ZWILCH: variants seen among roughly 807,000 people sequenced by gnomAD.
ZWILCH encodes the protein zwilch kinetochore protein, also known as protein zwilch homolog.
In ZWILCH, 74 loss-of-function variants were observed where a neutral mutation model predicts 79.9. The observed-to-expected ratio is 0.93, with a 90% CI of 0.77 to 1.12. The LOEUF (loss-of-function observed/expected upper bound fraction) is 1.12. Ranked by LOEUF, ZWILCH falls within the 50% of genes most tolerant of loss-of-function variation. The probability of loss-of-function intolerance (pLI) is 0.00; values close to 1 mark genes in which losing one functional copy is unlikely to be tolerated. For missense variants in ZWILCH, 694 were observed against 687.5 expected (o/e 1.01, Z -0.11); for synonymous variants, 241 against 228.2 (o/e 1.06, Z -0.51).
chr15:66,535,159 G>A (rs1336847505), intron 14 of ZWILCH, among the ~76,000 whole-genome samples: 2 of 152,060 alleles, frequency 1.3e-5, no homozygotes, highest in Non-Finnish European at 2.9e-5. Context: ...TGTCGCACTG[G>A]AAGCTCTCCA....
Position 66,541,714 on chromosome 15 carries a change from G to T in ZWILCH, c.1687+1504G>T, listed in dbSNP as rs556652738. Among the ~76,000 whole-genome samples the T allele has an allele frequency of 2.0e-5, 3 of 152,238 alleles. No homozygotes were observed. In the East Asian group the frequency reaches 5.8e-4, roughly 29 times the overall value. On this transcript the variant is annotated intron_variant, in intron 17 of 18. Transcript: ENST00000307897. The stretch of plus-strand genomic sequence containing the variant: ...TATCTTCATGCACGTGGGTTGTACG[G>T]TGCTGTTGTCTCTTATTCATATGGG...
chr15:66,539,536 G>A (rs1464476801), intron 16 of ZWILCH, among the ~76,000 whole-genome samples: 3 of 151,928 alleles, frequency 2.0e-5, no homozygotes, highest in Non-Finnish European at 1.5e-5. Flanking sequence ...CTGGACTGTG[G>A]TAAAATCCTT....
intron 4 of ZWILCH, among the ~76,000 whole-genome samples, chr15:66,518,447 A>AT: frequency 6.6e-6 from 1 of 152,058 alleles, no homozygotes; most frequent in East Asian, 1.9e-4. Flanking sequence ...CACCAGGCTA[A>AT]TTTTTTGTAT....
At chr15:66,528,395 G>A (rs1248554031) in intron 10 of ZWILCH, among the ~76,000 whole-genome samples, 1 of 152,176 alleles carries the variant, frequency 6.6e-6, no homozygotes, top group Admixed American at 6.6e-5. Flanking sequence ...TAGCCACTGT[G>A]CTTGGTCAGA....
chr15:66,528,308 T>G (rs186904216), intron 10 of ZWILCH, among the ~76,000 whole-genome samples: 174 of 152,280 alleles, frequency 1.1e-3, no homozygotes, highest in African/African-American at 3.8e-3. Context: ...CTCACTATAT[T>G]GCCTAGGCTG....
chr15:66,509,865 ATATATCTC>A (rs1893985888), intron 2 of ZWILCH, among the ~76,000 whole-genome samples: 3 of 77,762 alleles, frequency 3.9e-5, no homozygotes, highest in Non-Finnish European at 9.0e-5. Context: ...ATATATATAT[ATATATCTC>A]TTAAAAATCA....
chr15:66,512,036 A>G (rs1303874356), intron 2 of ZWILCH, among the ~76,000 whole-genome samples: 1 of 152,194 alleles, frequency 6.6e-6, no homozygotes, highest in Non-Finnish European at 1.5e-5. Context: ...AAATAATTCA[A>G]AAGTGTTCAT....
In ZWILCH at chr15:66,536,070, G is replaced by GTT; in HGVS notation, c.1478+2_1478+3insTT. Reference sequence around the variant, plus strand: ...ATGAACTCCTCTTTTCTTTAACACAGTAAGTACATCTGTATTCTTCACTTA... The same window carrying GTT: ...ATGAACTCCTCTTTTCTTTAACACAGTTTAAGTACATCTGTATTCTTCACTTA... On this transcript the variant is annotated splice_donor_variant, in intron 15 of 18. Coordinates refer to ENST00000307897, the MANE Select transcript of ZWILCH (RefSeq NM_017975.5). LOFTEE classifies it high-confidence loss of function. 6.2e-7 allele frequency: 1 copy of GTT among 1,602,028 alleles called. No homozygotes were observed. The highest frequency in any genetic ancestry group is 8.5e-7 in the Non-Finnish European group (1 of 1,174,796).
rs1379722762 is a variant in ZWILCH at position 66,527,211 on chromosome 15, T to A, written c.820-79T>A. On this transcript the variant is annotated intron_variant, in intron 8 of 18. Coordinates refer to ENST00000307897, the MANE Select transcript of ZWILCH (RefSeq NM_017975.5). ...ACTCAAGAAATGTTACTGCAATTAA[T>A]ATTATTATTACATACATCCTTATTG... is the stretch of plus-strand genomic sequence containing the variant. 3 of 989,850 alleles carry A rather than the reference T, an allele frequency of 3.0e-6. No homozygotes were observed. The East Asian group carries it at 7.4e-5, about 24-fold the overall frequency. 61.3% of individuals were successfully genotyped at this position (989,850 alleles called of 1,614,324 possible). A position where few individuals can be genotyped will look rare whatever the true frequency, so the allele number is the denominator to read the frequency against.
intron 8 of ZWILCH, among the ~76,000 whole-genome samples, chr15:66,526,743 TGAGCCACGGCGCCCGGC>T (rs1894688700): frequency 6.6e-6 from 1 of 152,286 alleles, no homozygotes; most frequent in South Asian, 2.1e-4. Flanking sequence ...ATTACAGGTG[TGAGCCACGGCGCCCGGC>T]ACTTGACTGC....
chr15:66,544,724 T>TGTG lies in ZWILCH; in HGVS notation c.1688-1867_1688-1866insGTG, dbSNP rs1555426548. On this transcript the variant is annotated intron_variant, in intron 17 of 18. Coordinates refer to ENST00000307897, the MANE Select transcript of ZWILCH (RefSeq NM_017975.5). ...TGTTTTTTTGTTGTTTTTTTGGTTTTTGTGTGTGTGTGTGTGTGTGTGTGT... is the reference window on the plus strand; with the variant it reads ...TGTTTTTTTGTTGTTTTTTTGGTTTTGTGTGTGTGTGTGTGTGTGTGTGTGTGT... Among the ~76,000 whole-genome samples the TGTG allele has an allele frequency of 2.2e-3, 282 of 128,540 alleles. 5 individuals are homozygous for TGTG. The highest frequency in any genetic ancestry group is 0.014 in the East Asian group (55 of 4,062). The allele number at this position is 128,540 out of a possible 152,430, so 84.3% of individuals were successfully genotyped here. A position where few individuals can be genotyped will look rare whatever the true frequency, so the allele number is the denominator to read the frequency against.
At chr15:66,524,983 C>T (rs1894622444) in intron 8 of ZWILCH, among the ~76,000 whole-genome samples, 1 of 152,170 alleles carries the variant, frequency 6.6e-6, no homozygotes, top group Non-Finnish European at 1.5e-5. Context: ...CATCTTTAAG[C>T]TGATAGCACT....
chr15:66,526,848 A>G (rs1894691699), intron 8 of ZWILCH, among the ~76,000 whole-genome samples: 2 of 152,092 alleles, frequency 1.3e-5, no homozygotes, highest in Admixed American at 1.3e-4. Context: ...TCCACTTTTT[A>G]CATTTATTCA....
rs768496640 is a variant in ZWILCH, at chr15:66,528,893, G to A, written c.1011G>A (p.Lys337=). Residue 337 remains lysine, a synonymous_variant, in exon 11 of 19, where the codon AAG becomes AAA. Transcript: ENST00000307897. ...HDTAAVDRSV[K]RLFKVRSDLD... ...CTGCTGCAGTCGATCGTTCCGTCAA[G>A]CGTCTTTTCAAAGTTCGGAGTGATC... 2 of 1,614,126 alleles carry A rather than the reference G, an allele frequency of 1.2e-6. No homozygotes were observed. Among genetic ancestry groups the A allele is most frequent in the South Asian group, 1.1e-5 (1 of 91,084 alleles).
At chr15:66,521,895 G>T (rs1894507438) in intron 7 of ZWILCH, among the ~76,000 whole-genome samples, 1 of 152,114 alleles carries the variant, frequency 6.6e-6, no homozygotes. Context: ...CTAGGAATCT[G>T]TCTTAAGAAA....
In ZWILCH at chr15:66,549,841, G is replaced by A. The variant is rs1257292849; in HGVS notation, c.*1517G>A. The A allele has an allele frequency of 1.4e-5, 6 of 423,766 alleles. No homozygotes were observed. Among genetic ancestry groups the A allele is most frequent in the Non-Finnish European group, 1.7e-5 (4 of 236,124 alleles). 26.3% of individuals were successfully genotyped at this position (423,766 alleles called of 1,614,324 possible). On this transcript the variant is annotated 3_prime_UTR_variant, in exon 19 of 19. Transcript: ENST00000307897. ...CTTGAATGGATAAAATGGATAAAAT[G>A]TTTATCTTTCATGGTAGATTAAATG...
At chr15:66,543,360 G>A (rs1052225848) in intron 17 of ZWILCH, among the ~76,000 whole-genome samples, 1 of 152,178 alleles carries the variant, frequency 6.6e-6, no homozygotes, top group Non-Finnish European at 1.5e-5. Flanking sequence ...GACCTAGAAG[G>A]ATACAATCCA....
chr15:66,538,538 A>T (rs1895087885), intron 16 of ZWILCH, among the ~76,000 whole-genome samples: 1 of 151,940 alleles, frequency 6.6e-6, no homozygotes, highest in South Asian at 2.1e-4. Flanking sequence ...GCCCACCACC[A>T]CACCCGGCTA....
At chr15:66,519,819 A>G (rs2140763060) in intron 5 of ZWILCH, among the ~76,000 whole-genome samples, 1 of 152,124 alleles carries the variant, frequency 6.6e-6, no homozygotes, top group South Asian at 2.1e-4. Flanking sequence ...TTTTTTAGAG[A>G]CAGAGCCTCA....
Sources: gnomAD v4.1 joint callset for allele counts (sites outside exome capture counted in the v4.1 genomes callset) on GRCh38, gnomAD v4.1.1 for gene constraint, MANE v1.5 for transcripts, NCBI Gene and HGNC (gene_info 2026-07-23, HGNC 2026-07-21) for gene names.